Variants in ARHGEF4 observed in about 807,000 individuals in gnomAD.
The protein encoded by ARHGEF4 is Rho guanine nucleotide exchange factor 4, also known as APC-stimulated guanine nucleotide exchange factor 1.
In ARHGEF4, 119 loss-of-function variants were observed where a neutral mutation model predicts 162.0. The observed-to-expected ratio is 0.73, with a 90% confidence interval of 0.63 to 0.86. The LOEUF (loss-of-function observed/expected upper bound fraction) is 0.86. ARHGEF4 is among the 40% of genes least tolerant of loss of function. The probability of loss-of-function intolerance (pLI) is 0.00; values close to 1 mark genes in which losing one functional copy is unlikely to be tolerated. For synonymous variants in ARHGEF4, 1,014 were observed against 979.9 expected (o/e 1.03, Z -0.65); for missense variants, 2,488 against 2,456.0 (o/e 1.01, Z -0.28).
In ARHGEF4 at chr2:130,838,329, C is replaced by T. The variant is rs375172353; in HGVS notation, c.39+1337C>T. On this transcript the variant is annotated intron_variant, in intron 1 of 13. Coordinates refer to ENST00000409359, the MANE Select transcript of ARHGEF4 (RefSeq NM_001367493.1). ...TAGAAAATGTGAGTGTGGCCCGGCG[C>T]GGTGGCTCATGCCTGTAATCTCAGC... Among the ~76,000 whole-genome samples, 42 of 152,178 alleles carry T rather than the reference C, an allele frequency of 2.8e-4. 2 individuals carry two copies. The South Asian group carries it at 7.5e-3, about 27-fold the overall frequency.
chr2:130,968,870 AC>A (rs1685170983), intron 4 of ARHGEF4, among the ~76,000 whole-genome samples: 1 of 152,196 alleles, frequency 6.6e-6, no homozygotes, highest in Admixed American at 6.5e-5. Flanking sequence ...GTGAGCCGAG[AC>A]TGCGCCACTG....
intron 4 of ARHGEF4, among the ~76,000 whole-genome samples, chr2:131,000,421 T>C (rs1687690673): frequency 6.6e-6 from 1 of 152,314 alleles, no homozygotes; most frequent in East Asian, 1.9e-4. Flanking sequence ...TTTTGTCTTA[T>C]TTTGGAATCA....
intron 1 of ARHGEF4, among the ~76,000 whole-genome samples, chr2:130,896,721 A>T (rs1175836764): frequency 1.3e-5 from 2 of 152,156 alleles, no homozygotes; most frequent in Admixed American, 1.3e-4. Flanking sequence ...TGTCACTTAT[A>T]TTTGGCAAAC....
chr2:131,039,957 G>T, intron 6 of ARHGEF4, 59 bp from the exon 7 acceptor site: 1 of 1,530,796 alleles, frequency 6.5e-7, no homozygotes. Context: ...CTGCGGCGCA[G>T]GGCGCGGGGC....
chr2:131,015,586 C>A (rs59453922), intron 4 of ARHGEF4, among the ~76,000 whole-genome samples: 1,808 of 152,220 alleles, frequency 0.012, 33 homozygotes, highest in African/African-American at 0.041. Flanking sequence ...CAAAAATAAT[C>A]TTTTTAAAAA....
chr2:130,940,267 G>C (rs879643996), intron 3 of ARHGEF4, among the ~76,000 whole-genome samples: 1 of 152,132 alleles, frequency 6.6e-6, no homozygotes, highest in Non-Finnish European at 1.5e-5. Context: ...ATTCTGTGTA[G>C]ATGGAACATA....
intron 2 of ARHGEF4, among the ~76,000 whole-genome samples, chr2:130,930,177 C>T (rs996754448): frequency 1.3e-5 from 2 of 152,150 alleles, no homozygotes; most frequent in Admixed American, 1.3e-4. Context: ...ATTTTTAAGG[C>T]AGACTTGAAA....
Position 130,916,896 on chromosome 2 carries a change from A to G in ARHGEF4, c.2950A>G (p.Thr984Ala). 2 of 1,550,478 alleles carry G rather than the reference A, an allele frequency of 1.3e-6. No homozygotes were observed. The highest frequency in any genetic ancestry group is 1.7e-6 in the Non-Finnish European group (2 of 1,146,986). Residue 984 changes from threonine to alanine, a missense_variant, in exon 2 of 14, where the codon ACC (threonine) becomes GCC (alanine). Coordinates refer to ENST00000409359, the MANE Select transcript of ARHGEF4 (RefSeq NM_001367493.1). ...LGPEVLSPAE[T>A]DSHCEERAED... is the part of the protein sequence containing the mutation. ...ACCCGAAGTTCTCTCCCCAGCAGAGACCGACAGCCACTGTGAGGAACGGGC... is the reference window on the plus strand; with the variant it reads ...ACCCGAAGTTCTCTCCCCAGCAGAGGCCGACAGCCACTGTGAGGAACGGGC...
intron 1 of ARHGEF4, among the ~76,000 whole-genome samples, chr2:130,889,863 A>C (rs149275929): frequency 1.2e-3 from 176 of 151,316 alleles, no homozygotes; most frequent in Non-Finnish European, 2.0e-3. Context: ...TTTTCACTGC[A>C]AATATGCAAT....
intron 4 of ARHGEF4, among the ~76,000 whole-genome samples, chr2:130,961,188 G>A (rs1684601002): frequency 6.6e-6 from 1 of 152,244 alleles, no homozygotes; most frequent in Admixed American, 6.5e-5. Context: ...CATGGAGCCT[G>A]CAGCAGGTGC....
intron 1 of ARHGEF4, among the ~76,000 whole-genome samples, chr2:130,850,338 T>C (rs893179078): frequency 1.3e-5 from 2 of 152,324 alleles, no homozygotes; most frequent in East Asian, 1.9e-4. Flanking sequence ...CAGGACACCA[T>C]GGAGAGCTGT....
At chr2:130,880,148 C>T (rs1679100920) in intron 1 of ARHGEF4, among the ~76,000 whole-genome samples, 1 of 152,176 alleles carries the variant, frequency 6.6e-6, no homozygotes, top group Non-Finnish European at 1.5e-5. Context: ...TACTGATTTG[C>T]CCAGGGTCAC....
intron 1 of ARHGEF4, among the ~76,000 whole-genome samples, chr2:130,855,916 T>C (rs1175057783): frequency 2.6e-5 from 4 of 152,204 alleles, no homozygotes. Context: ...TCAGAATTGC[T>C]ATAATGTTAT....
intron 5 of ARHGEF4, among the ~76,000 whole-genome samples, chr2:131,033,685 A>G (rs905339205): frequency 3.9e-5 from 6 of 152,184 alleles, no homozygotes; most frequent in Non-Finnish European, 7.3e-5. Context: ...GATCCCCCCA[A>G]TTCTCCTGAC....
intron 1 of ARHGEF4, among the ~76,000 whole-genome samples, chr2:130,887,954 C>A (rs1485320419): frequency 6.6e-6 from 1 of 152,080 alleles, no homozygotes; most frequent in Non-Finnish European, 1.5e-5. Context: ...GAGAGCTGGA[C>A]CAGCATCATG....
chr2:130,924,789 C>T (rs1682128911), intron 2 of ARHGEF4, among the ~76,000 whole-genome samples: 1 of 152,098 alleles, frequency 6.6e-6, no homozygotes, highest in Non-Finnish European at 1.5e-5. Flanking sequence ...TGAGAGGAGA[C>T]TGGAAATTCA....
At chr2:131,039,923 G>T in intron 6 of ARHGEF4, 93 bp from the exon 7 acceptor site, 1 of 1,487,616 alleles carries the variant, frequency 6.7e-7, no homozygotes, top group Admixed American at 2.3e-5. Context: ...ACCCTGCGGG[G>T]CCTCCGAGGC....
At chr2:130,939,453 A>G (rs564499551) in intron 3 of ARHGEF4, among the ~76,000 whole-genome samples, 73 of 152,248 alleles carry the variant, frequency 4.8e-4, no homozygotes, top group African/African-American at 1.6e-3. Flanking sequence ...CCATGTGTCT[A>G]TGCTTCCACC....
At chr2:131,020,551 A>G (rs1689056243) in intron 4 of ARHGEF4, among the ~76,000 whole-genome samples, 1 of 152,080 alleles carries the variant, frequency 6.6e-6, no homozygotes, top group African/African-American at 2.4e-5. Flanking sequence ...ATAGTATTTC[A>G]TGGTGTATAT....
Sources: allele counts gnomAD v4.1 joint callset (sites outside exome capture counted in the v4.1 genomes callset), GRCh38; gene constraint gnomAD v4.1.1; transcripts MANE v1.5; gene names NCBI Gene and HGNC (gene_info 2026-07-23, HGNC 2026-07-21).